The following SMYD3 variants were observed in gnomAD, a reference collection of about 807,000 sequenced individuals.
SMYD3 encodes the protein SET and MYND domain containing 3, also known as histone-lysine N-methyltransferase SMYD3.
SMYD3 carries 36 observed loss-of-function variants against 57.7 expected under a neutral mutation model. The observed-to-expected ratio is 0.62, with a 90% confidence interval of 0.48 to 0.82. The LOEUF is 0.82. SMYD3 is among the 40% of genes least tolerant of loss of function. The pLI, the probability that SMYD3 is intolerant of heterozygous loss-of-function variation, is 0.00. For synonymous variants in SMYD3, 211 were observed against 195.0 expected, an observed-to-expected ratio of 1.08 and a Z score of -0.68; for missense variants, 515 against 538.8, an observed-to-expected ratio of 0.96 and a Z score of 0.44.
At chr1:246,416,834 G>GCT (rs2067070547) in intron 1 of SMYD3, among the ~76,000 whole-genome samples, 1 of 152,004 alleles carries the variant, frequency 6.6e-6, no homozygotes, top group African/African-American at 2.4e-5. Flanking sequence ...ACAGAGAGGG[G>GCT]CTCTCTCTGG....
At chr1:245,827,767 G>C (rs71636590) in intron 10 of SMYD3, among the ~76,000 whole-genome samples, 18,819 of 152,174 alleles carry the variant, frequency 0.12, 1,307 homozygotes, top group Admixed American at 0.2. Context: ...GGTGGGCCCT[G>C]CCTTATCACA....
chr1:246,133,003 A>G (rs552034943), intron 5 of SMYD3, among the ~76,000 whole-genome samples: 2 of 152,264 alleles, frequency 1.3e-5, no homozygotes, highest in African/African-American at 4.8e-5. Flanking sequence ...GCAAGGATGC[A>G]GAGAAACTGA....
chr1:246,228,956 C>T (rs1165167387), intron 5 of SMYD3, among the ~76,000 whole-genome samples: 1 of 151,956 alleles, frequency 6.6e-6, no homozygotes, highest in South Asian at 2.1e-4. Context: ...AATTTTTGAG[C>T]CAACTTTTTT....
At chr1:245,894,584 A>G (rs2053628958) in intron 8 of SMYD3, among the ~76,000 whole-genome samples, 1 of 152,170 alleles carries the variant, frequency 6.6e-6, no homozygotes, top group South Asian at 2.1e-4. Flanking sequence ...ACCGGAAGGA[A>G]CCAACTCTGG....
intron 8 of SMYD3, among the ~76,000 whole-genome samples, chr1:245,869,688 C>T (rs1469791586): frequency 2.0e-5 from 3 of 152,132 alleles, no homozygotes; most frequent in Non-Finnish European, 4.4e-5. Context: ...AGTTCACTCA[C>T]CCCATTCTTT....
rs533930965 is a variant in SMYD3, at chr1:245,906,371, A to G, written c.813+9159T>C. On this transcript the variant is annotated intron_variant, in intron 8 of 11. Coordinates refer to ENST00000490107, the MANE Select transcript of SMYD3 (RefSeq NM_001167740.2). ...AGACATTGCTCAAAAGAAGACATACACATGGCATACAGACATATGAAAAGG... is the reference window on the plus strand; with the variant it reads ...AGACATTGCTCAAAAGAAGACATACGCATGGCATACAGACATATGAAAAGG... Among the ~76,000 whole-genome samples the G allele has an allele frequency of 5.1e-4, 77 of 152,340 alleles. 1 individual carries two copies. Among genetic ancestry groups the G allele is most frequent in the Non-Finnish European group, 9.0e-4 (61 of 68,022 alleles).
intron 5 of SMYD3, among the ~76,000 whole-genome samples, chr1:246,230,148 T>G (rs1373925622): frequency 6.6e-6 from 1 of 152,194 alleles, no homozygotes; most frequent in Admixed American, 6.5e-5. Context: ...ACCATGACTT[T>G]TCCTAAAGCC....
chr1:246,029,540 C>T (rs1444869899), intron 5 of SMYD3, among the ~76,000 whole-genome samples: 1 of 151,738 alleles, frequency 6.6e-6, no homozygotes, highest in Admixed American at 6.6e-5. Flanking sequence ...GGCGTGGTGA[C>T]ACACGCCTGT....
chr1:246,152,697 A>G (rs2061960056), intron 5 of SMYD3, among the ~76,000 whole-genome samples: 1 of 152,224 alleles, frequency 6.6e-6, no homozygotes. Flanking sequence ...AGGCTACACT[A>G]CGTGAGTGTG....
intron 1 of SMYD3, among the ~76,000 whole-genome samples, chr1:246,452,473 T>C (rs896855683): frequency 6.6e-5 from 10 of 152,090 alleles, no homozygotes; most frequent in African/African-American, 2.4e-4. Context: ...ACCTCCAGCC[T>C]GGGCCACAAA....
At chr1:245,830,226 A>G (rs1431866434) in intron 10 of SMYD3, among the ~76,000 whole-genome samples, 2 of 152,202 alleles carry the variant, frequency 1.3e-5, no homozygotes, top group African/African-American at 2.4e-5. Flanking sequence ...CATACCTGAG[A>G]CTGGGTAATT....
intron 5 of SMYD3, among the ~76,000 whole-genome samples, chr1:245,982,966 A>C (rs978922691): frequency 3.9e-5 from 6 of 152,234 alleles, no homozygotes; most frequent in African/African-American, 1.4e-4. Context: ...AACATTTATC[A>C]ACGCAAATGC....
intron 10 of SMYD3, among the ~76,000 whole-genome samples, chr1:245,849,357 C>T (rs537253972): frequency 1.4e-4 from 21 of 152,082 alleles, no homozygotes; most frequent in Non-Finnish European, 2.9e-4. Context: ...AATTTGGCAT[C>T]GGGAGGATAT....
In SMYD3 at chr1:246,016,066, C is replaced by T. The variant is rs542599837; in HGVS notation, c.532-86129G>A. ...GAGCTGGTCATGGCTAGGCTGATCC[C>T]GTCAGTGGCGGACAGAAAAGCATTG... is the stretch of plus-strand genomic sequence containing the variant. On this transcript the variant is annotated intron_variant, in intron 5 of 11. Transcript: ENST00000490107. Among the ~76,000 whole-genome samples the T allele has an allele frequency of 5.9e-5, 9 of 152,118 alleles. No individual in the cohort carries two copies. In the South Asian group the frequency reaches 1.5e-3, roughly 25 times the overall value.
At chr1:246,093,460 T>C (rs2060856878) in intron 5 of SMYD3, among the ~76,000 whole-genome samples, 1 of 152,178 alleles carries the variant, frequency 6.6e-6, no homozygotes, top group Non-Finnish European at 1.5e-5. Flanking sequence ...AGTCCTGTCA[T>C]TTGCAGCAAC....
At chr1:245,805,913 T>C (rs1253768295) in intron 10 of SMYD3, among the ~76,000 whole-genome samples, 3 of 152,226 alleles carry the variant, frequency 2.0e-5, no homozygotes, top group Non-Finnish European at 2.9e-5. Context: ...TTCCTTCTAC[T>C]GCTTCAGTAT....
chr1:246,181,852 T>C (rs7543842), intron 5 of SMYD3, among the ~76,000 whole-genome samples: 2,331 of 152,290 alleles, frequency 0.015, 58 homozygotes, highest in African/African-American at 0.054. Flanking sequence ...GTAGAGAGAT[T>C]TGAAAAATGA....
chr1:246,060,998 C>T lies in SMYD3; in HGVS notation c.532-131061G>A, dbSNP rs145382388. ...ATCTCAGCACTTTGGGAGGCCGAGG[C>T]GGGCGGATCATGAGGTCAGGGGTTT... On this transcript the variant is annotated intron_variant, in intron 5 of 11. Transcript: ENST00000490107. 1.6e-3 allele frequency among the ~76,000 whole-genome samples: 247 copies of T among 151,874 alleles called. 1 individual carries two copies. The highest frequency in any genetic ancestry group is 5.0e-3 in the African/African-American group (207 of 41,436).
intron 5 of SMYD3, among the ~76,000 whole-genome samples, chr1:245,936,023 A>G (rs1263460448): frequency 6.6e-6 from 1 of 152,168 alleles, no homozygotes; most frequent in African/African-American, 2.4e-5. Flanking sequence ...TCCAAGAAAA[A>G]ATTTCAAATG....
Sources: allele counts gnomAD v4.1 joint callset (sites outside exome capture counted in the v4.1 genomes callset), GRCh38; gene constraint gnomAD v4.1.1; transcripts MANE v1.5; gene names NCBI Gene and HGNC (gene_info 2026-07-23, HGNC 2026-07-21).